The following ONECUT1 variants were observed in gnomAD, a reference collection of about 807,000 sequenced individuals.
The protein encoded by ONECUT1 is one cut homeobox 1, also known as hepatocyte nuclear factor 6.
In ONECUT1, 12 loss-of-function variants were observed where a neutral mutation model predicts 25.6. The ratio of observed to expected loss-of-function variants is 0.47; its 90% confidence interval spans 0.30 to 0.76. ONECUT1 has a LOEUF of 0.76. Among genes scored for constraint, ONECUT1 ranks in the 30% least tolerant of loss-of-function variants. The pLI is 0.07. For synonymous variants in ONECUT1, 285 were observed against 270.2 expected (o/e 1.05, Z -0.54); for missense variants, 620 against 651.2 (o/e 0.95, Z 0.52).
intron 1 of ONECUT1, among the ~76,000 whole-genome samples, chr15:52,783,044 G>A (rs886466131): frequency 1.3e-5 from 2 of 152,180 alleles, no homozygotes; most frequent in Non-Finnish European, 2.9e-5. Context: ...AGCAGCATTT[G>A]TTTGATTAGC....
chr15:52,789,033 A>G lies in ONECUT1; in HGVS notation c.852T>C (p.Ser284=). The part of the protein sequence containing the change: ...SVTGAQVSNG[S]NSGQMEEINT... Reference sequence around the variant, plus strand: ...TGATCTCTTCCATCTGCCCTGAATTACTTCCATTGCTGACCTGCGCGCCGG... The same window carrying G: ...TGATCTCTTCCATCTGCCCTGAATTGCTTCCATTGCTGACCTGCGCGCCGG... Residue 284 remains serine (S), a synonymous_variant, in exon 1 of 2, where the codon AGT becomes AGC. Coordinates refer to ENST00000305901, the MANE Select transcript of ONECUT1 (RefSeq NM_004498.4). This position sits in a 1 kb window ranked among gnomAD's most constrained non-coding sequence, Gnocchi z 4.1. 1 of 1,605,976 alleles carries G rather than the reference A, an allele frequency of 6.2e-7. No homozygotes were observed. The highest frequency in any genetic ancestry group is 8.5e-7 in the Non-Finnish European group (1 of 1,179,968).
chr15:52,780,977 T>C (rs1596055466), intron 1 of ONECUT1: 3 of 904,730 alleles, frequency 3.3e-6, no homozygotes, highest in Non-Finnish European at 4.2e-6. Context: ...TCTAGACAAC[T>C]CCCAGCCTAT....
Position 52,789,847 on chromosome 15 carries a change from A to C in ONECUT1, c.38T>G (p.Leu13Arg). ...CACCGGCTCATGGCTCACCCCGTGC[A>C]GCTCGCCGATCGCTTCCATGGTCAG... Reference protein sequence around the residue: ...AQLTMEAIGELHGVSHEPVPA... With the variant: ...AQLTMEAIGERHGVSHEPVPA... The change falls in exon 1 of 2, where the codon CTG becomes CGG. Residue 13 changes from leucine to arginine, a missense_variant. Physicochemically the swap from Leu to Arg is moderately radical, Grantham distance 102 (BLOSUM62 -2). Around this residue, in one of 4 missense-constraint regions of ONECUT1, gnomAD observed 440 missense variants for 404.9 expected, o/e 1.09. Transcript: ENST00000305901. This position sits in a 1 kb window ranked among gnomAD's most constrained non-coding sequence, Gnocchi z 4.1. 1 of 1,542,080 alleles carries C rather than the reference A, an allele frequency of 6.5e-7. No homozygotes were observed. Among genetic ancestry groups the C allele is most frequent in the Admixed American group, 1.9e-5 (1 of 52,296 alleles).
intron 1 of ONECUT1, among the ~76,000 whole-genome samples, chr15:52,776,633 C>G (rs1033083132): frequency 5.3e-5 from 8 of 152,232 alleles, no homozygotes; most frequent in African/African-American, 1.9e-4. Context: ...CATCTCCTTT[C>G]AGTCTCCTTT....
Position 52,789,312 on chromosome 15 carries a change from G to C in ONECUT1, c.573C>G (p.His191Gln). The C allele has an allele frequency of 6.4e-7, 1 of 1,566,414 alleles. No homozygotes were observed. The highest frequency in any genetic ancestry group is 2.3e-5 in the East Asian group (1 of 44,396). ...AGTGGGGGAGCCCTTGCTGGGAGTT[G>C]TGGATGCTGCCCAGACCGGAGCTGG... Reference protein sequence around the residue: ...PLSSSGLGSIHNSQQGLPHYA... With the variant: ...PLSSSGLGSIQNSQQGLPHYA... Residue 191 changes from histidine to glutamine, a missense_variant, in exon 1 of 2, where the codon CAC becomes CAG. Around this residue, in one of 4 missense-constraint regions of ONECUT1, gnomAD observed 440 missense variants for 404.9 expected, o/e 1.09. Transcript: ENST00000305901. The surrounding 1 kb of genome is among the most constrained non-coding windows in gnomAD (Gnocchi z 4.1).
At chr15:52,768,014 A>G (rs535053069) in intron 1 of ONECUT1, among the ~76,000 whole-genome samples, 2 of 152,316 alleles carry the variant, frequency 1.3e-5, no homozygotes, top group South Asian at 2.1e-4. Context: ...GGAGAGTCGA[A>G]TGATGGTTAC....
chr15:52,780,989 T>C lies in ONECUT1; in HGVS notation c.1105+7791A>G, dbSNP rs1039727549. The C allele has an allele frequency of 3.9e-6, 3 of 771,546 alleles. No individual in the cohort carries two copies. The African/African-American group carries it at 5.6e-5, about 14-fold the overall frequency. 47.8% of individuals were successfully genotyped at this position (771,546 alleles called of 1,614,324 possible). ...CCCTCTAGACAACTCCCAGCCTATA[T>C]ACTCTGTTTTGGTCAATTTATTACT... On this transcript the variant is annotated intron_variant, in intron 1 of 1. Transcript: ENST00000305901.
At position 52,789,041 on chromosome 15, in the gene ONECUT1, T is replaced by G. The variant is rs1203967559; in HGVS notation, c.844A>C (p.Asn282His). Residue 282 changes from asparagine (N) to histidine (H), a missense_variant, in exon 1 of 2, where the codon AAT (asparagine) becomes CAT (histidine). Coordinates refer to ENST00000305901, the MANE Select transcript of ONECUT1 (RefSeq NM_004498.4). The surrounding 1 kb of genome is among the most constrained non-coding windows in gnomAD (Gnocchi z 4.1). The part of the protein sequence containing the change: ...NPSVTGAQVS[N>H]GSNSGQMEEI... ...TCCATCTGCCCTGAATTACTTCCATTGCTGACCTGCGCGCCGGTCACCGAA... is the reference window on the plus strand; with the variant it reads ...TCCATCTGCCCTGAATTACTTCCATGGCTGACCTGCGCGCCGGTCACCGAA... 1.2e-6 allele frequency: 2 copies of G among 1,604,496 alleles called. No homozygotes were observed. The highest frequency in any genetic ancestry group is 1.7e-6 in the Non-Finnish European group (2 of 1,179,982).
At chr15:52,771,072 G>A (rs901083186) in intron 1 of ONECUT1, among the ~76,000 whole-genome samples, 2 of 151,926 alleles carry the variant, frequency 1.3e-5, no homozygotes, top group African/African-American at 4.8e-5. Context: ...ACACTTCTAG[G>A]AATTTATTCT....
intron 1 of ONECUT1, among the ~76,000 whole-genome samples, chr15:52,761,672 G>C (rs2083706779): frequency 1.3e-5 from 2 of 152,148 alleles, no homozygotes; most frequent in Admixed American, 1.3e-4. Flanking sequence ...TTCCATTTCA[G>C]AAAAAGAAAA....
Position 52,789,786 on chromosome 15 carries a change from G to C in ONECUT1, c.99C>G (p.His33Gln), listed in dbSNP as rs202151356. ...APADLLGGSP[H>Q]ARSSVAHRGS... is the part of the protein sequence containing the mutation. ...CGCGGTGCGCCACGGAGCTGCGCGC[G>C]TGGGGGCTGCCGCCCAGCAGGTCGG... The change falls in exon 1 of 2, where the codon CAC becomes CAG. Residue 33 changes from histidine (H) to glutamine (Q), a missense_variant. Around this residue, in one of 4 missense-constraint regions of ONECUT1, gnomAD observed 440 missense variants for 404.9 expected, o/e 1.09. Coordinates refer to ENST00000305901, the MANE Select transcript of ONECUT1 (RefSeq NM_004498.4). The surrounding 1 kb of genome is among the most constrained non-coding windows in gnomAD (Gnocchi z 4.1). The C allele has an allele frequency of 4.8e-6, 7 of 1,450,346 alleles. No individual in the cohort carries two copies. The South Asian group carries it at 8.7e-5, about 18-fold the overall frequency. 89.8% of individuals were successfully genotyped at this position (1,450,346 alleles called of 1,614,324 possible).
chr15:52,789,598 C>T lies in ONECUT1; in HGVS notation c.287G>A (p.Gly96Asp), dbSNP rs145201345. The T allele has an allele frequency of 5.0e-4, 784 of 1,570,058 alleles. 10 individuals are homozygous for T. Among genetic ancestry groups the T allele is most frequent in the Non-Finnish European group, 1.0e-4 (116 of 1,155,682 alleles). Reference sequence around the variant, plus strand: ...GGTGTAGGTGGTGGGCATGCTCATACCTGGGGGAGTCTCGCAGGCCATGGT... The same window carrying T: ...GGTGTAGGTGGTGGGCATGCTCATATCTGGGGGAGTCTCGCAGGCCATGGT... ...TMTMACETPP[G>D]MSMPTTYTTL... The change falls in exon 1 of 2, where the codon GGT (glycine) becomes GAT (aspartate). Residue 96 changes from glycine to aspartate, a missense_variant. Physicochemically the swap from Gly to Asp is moderately conservative, Grantham distance 94 (BLOSUM62 -1). Around this residue, in one of 4 missense-constraint regions of ONECUT1, gnomAD observed 440 missense variants for 404.9 expected, o/e 1.09. Transcript: ENST00000305901. This position sits in a 1 kb window ranked among gnomAD's most constrained non-coding sequence, Gnocchi z 4.1.
At chr15:52,774,788 C>G (rs1035863755) in intron 1 of ONECUT1, among the ~76,000 whole-genome samples, 1 of 152,132 alleles carries the variant, frequency 6.6e-6, no homozygotes, top group Non-Finnish European at 1.5e-5. Context: ...AAAATCTCCA[C>G]CCTTGTGTTG....
chr15:52,784,421 G>C lies in ONECUT1; in HGVS notation c.1105+4359C>G, dbSNP rs1446095763. ...GGGATAGCCGCATACCTCCGAACAG[G>C]TAGTGGAGTTCGTCTCTGGCAGGCA... On this transcript the variant is annotated intron_variant, in intron 1 of 1. Transcript: ENST00000305901. The surrounding 1 kb of genome is among the most constrained non-coding windows in gnomAD (Gnocchi z 5.0). Among the ~76,000 whole-genome samples the C allele has an allele frequency of 6.6e-6, 1 of 152,208 alleles. No individual in the cohort carries two copies. The highest frequency in any genetic ancestry group is 1.5e-5 in the Non-Finnish European group (1 of 68,046).
In ONECUT1 at chr15:52,789,384, G is replaced by C; in HGVS notation, c.501C>G (p.Pro167=). ...CCATGCCGGCCACGTCCTTGTGGTA[G>C]GGGGTATAGAGGTTATTCATGGAGG... The part of the protein sequence containing the change: ...GLASMNNLYT[P]YHKDVAGMGQ... The change falls in exon 1 of 2, where the codon CCC becomes CCG. Residue 167 remains proline (P), a synonymous_variant. Transcript: ENST00000305901. The surrounding 1 kb of genome is among the most constrained non-coding windows in gnomAD (Gnocchi z 4.1). 1 of 1,612,466 alleles carries C rather than the reference G, an allele frequency of 6.2e-7. No individual in the cohort carries two copies. The highest frequency in any genetic ancestry group is 8.5e-7 in the Non-Finnish European group (1 of 1,179,002).
chr15:52,766,759 G>T (rs1039107026), intron 1 of ONECUT1, among the ~76,000 whole-genome samples: 2 of 152,200 alleles, frequency 1.3e-5, no homozygotes, highest in Admixed American at 1.3e-4. Context: ...GGGAGCAGAG[G>T]GCCTTGGCAA....
chr15:52,760,597 A>G (rs577061261), intron 1 of ONECUT1, among the ~76,000 whole-genome samples: 1 of 152,300 alleles, frequency 6.6e-6, no homozygotes, highest in African/African-American at 2.4e-5. Flanking sequence ...GAGGCTTTCT[A>G]GTGAGAGGAG....
intron 1 of ONECUT1, among the ~76,000 whole-genome samples, chr15:52,783,210 C>T (rs2141462495): frequency 6.6e-6 from 1 of 152,344 alleles, no homozygotes; most frequent in Middle Eastern, 3.4e-3. Context: ...ACCCCTGTCA[C>T]ACCCACAGGG....
chr15:52,779,049 A>G (rs1202595035), intron 1 of ONECUT1, among the ~76,000 whole-genome samples: 1 of 151,742 alleles, frequency 6.6e-6, no homozygotes, highest in Admixed American at 6.6e-5. Flanking sequence ...TACATTAATA[A>G]TGACTGTAAA....
Sources: allele counts gnomAD v4.1 joint callset (sites outside exome capture counted in the v4.1 genomes callset), GRCh38; gene constraint gnomAD v4.1.1; regional missense constraint gnomAD v4.1.1; non-coding constraint Gnocchi (gnomAD v3.1); transcripts MANE v1.5; gene names NCBI Gene and HGNC (gene_info 2026-07-23, HGNC 2026-07-21).